Variants in CFAP299 observed in about 807,000 individuals in gnomAD.
CFAP299 encodes cilia- and flagella-associated protein 299.
Under a neutral mutation model 27.0 loss-of-function variants are expected in CFAP299, and 21 were observed. That is an observed-to-expected ratio of 0.78 (90% CI 0.55 to 1.12). The LOEUF is 1.12. CFAP299 is among the 50% of genes most tolerant of loss of function. The pLI is 0.00. For missense variants in CFAP299, 310 were observed against 276.6 expected (o/e 1.12, Z -0.86); for synonymous variants, 104 against 98.1 (o/e 1.06, Z -0.36).
intron 1 of CFAP299, among the ~76,000 whole-genome samples, chr4:80,350,986 A>G (rs1722988056): frequency 6.6e-6 from 1 of 152,222 alleles, no homozygotes; most frequent in Non-Finnish European, 1.5e-5. Flanking sequence ...TGCAAGCCAT[A>G]GAAAAATGAA....
chr4:80,658,798 A>G (rs370123670), intron 3 of CFAP299, among the ~76,000 whole-genome samples: 1 of 152,164 alleles, frequency 6.6e-6, no homozygotes, highest in African/African-American at 2.4e-5. Flanking sequence ...ATAATTAGTG[A>G]CAAGTGTGTT....
At chr4:80,734,654 A>G (rs1723751397) in intron 3 of CFAP299, among the ~76,000 whole-genome samples, 1 of 152,136 alleles carries the variant, frequency 6.6e-6, no homozygotes, top group African/African-American at 2.4e-5. Flanking sequence ...ATGACAATAC[A>G]TAGGGGTCAG....
At chr4:80,478,509 A>C (rs964974994) in intron 2 of CFAP299, among the ~76,000 whole-genome samples, 3 of 152,136 alleles carry the variant, frequency 2.0e-5, no homozygotes, top group African/African-American at 7.2e-5. Flanking sequence ...CAATTTCTCA[A>C]ATAAATGATG....
At chr4:80,846,487 GC>G (rs1731190693) in intron 3 of CFAP299, among the ~76,000 whole-genome samples, 1 of 152,094 alleles carries the variant, frequency 6.6e-6, no homozygotes, top group Admixed American at 6.6e-5. Flanking sequence ...TTACTCTGGT[GC>G]CTATACAAGA....
chr4:80,860,569 T>G (rs1443751167), intron 3 of CFAP299, among the ~76,000 whole-genome samples: 1 of 152,168 alleles, frequency 6.6e-6, no homozygotes, highest in East Asian at 1.9e-4. Context: ...ATGATGGTGA[T>G]GTACAGATGG....
At chr4:80,628,686 T>A (rs1335074300) in intron 3 of CFAP299, among the ~76,000 whole-genome samples, 1 of 152,122 alleles carries the variant, frequency 6.6e-6, no homozygotes. Flanking sequence ...TGAACAGACA[T>A]TTCTTAAGGC....
At chr4:80,453,709 C>T (rs976063996) in intron 2 of CFAP299, among the ~76,000 whole-genome samples, 10 of 151,294 alleles carry the variant, frequency 6.6e-5, no homozygotes, top group Non-Finnish European at 7.4e-5. Flanking sequence ...GGCTTCTTGG[C>T]GCGTGCCTGT....
intron 3 of CFAP299, among the ~76,000 whole-genome samples, chr4:80,723,346 ACATACAT>A (rs373487493): frequency 3.9e-5 from 6 of 152,284 alleles, no homozygotes; most frequent in African/African-American, 1.4e-4. Context: ...AACAATACAA[ACATACAT>A]CAATAGGCTA....
intron 2 of CFAP299, among the ~76,000 whole-genome samples, chr4:80,576,197 A>AATAT (rs1553935643): frequency 4.3e-3 from 138 of 32,450 alleles, no homozygotes; most frequent in African/African-American, 7.0e-3. Context: ...TAAAAAAAAA[A>AATAT]ATATATATAT....
At chr4:80,902,483 T>A (rs7440444) in intron 4 of CFAP299, among the ~76,000 whole-genome samples, 35 of 119,820 alleles carry the variant, frequency 2.9e-4, no homozygotes, top group East Asian at 2.4e-3. Context: ...TGTATATATG[T>A]ATATATACAT....
chr4:80,692,075 CT>C (rs1720746813), intron 3 of CFAP299, among the ~76,000 whole-genome samples: 12 of 152,176 alleles, frequency 7.9e-5, no homozygotes, highest in Admixed American at 7.9e-4. Context: ...GCATTCTATG[CT>C]CATAGGTAGG....
intron 2 of CFAP299, among the ~76,000 whole-genome samples, chr4:80,372,685 A>G (rs1724205338): frequency 6.6e-6 from 1 of 152,150 alleles, no homozygotes; most frequent in African/African-American, 2.4e-5. Context: ...AAAGCCAGGT[A>G]CTACTCATTT....
intron 3 of CFAP299, among the ~76,000 whole-genome samples, chr4:80,796,134 G>A (rs1415238988): frequency 6.6e-6 from 1 of 152,158 alleles, no homozygotes; most frequent in Non-Finnish European, 1.5e-5. Flanking sequence ...GGAATGTGTT[G>A]CCTCCAAAAT....
rs116736117 is a variant in CFAP299 at position 80,683,512 on chromosome 4, T to C, written c.333+100329T>C. On this transcript the variant is annotated intron_variant, in intron 3 of 5. Transcript: ENST00000358105. ...GTATACCTGGAAAATATCTATCTTC[T>C]TTCACTAACCTATTATGGATCCATT... Among the ~76,000 whole-genome samples the C allele has an allele frequency of 8.2e-4, 125 of 152,344 alleles. 2 individuals carry two copies. Among genetic ancestry groups the C allele is most frequent in the Middle Eastern group, 3.4e-3 (1 of 294 alleles).
At chr4:80,716,258 T>C (rs1369807861) in intron 3 of CFAP299, among the ~76,000 whole-genome samples, 1 of 151,956 alleles carries the variant, frequency 6.6e-6, no homozygotes, top group Non-Finnish European at 1.5e-5. Flanking sequence ...TCCCATGACC[T>C]CATGAGAGAA....
chr4:80,800,847 C>T (rs988710438), intron 3 of CFAP299, among the ~76,000 whole-genome samples: 3 of 144,718 alleles, frequency 2.1e-5, no homozygotes, highest in Non-Finnish European at 4.5e-5. Flanking sequence ...CACAATAGGC[C>T]ATCTGCAAGC....
intron 2 of CFAP299, among the ~76,000 whole-genome samples, chr4:80,458,269 C>T (rs1208285179): frequency 2.0e-5 from 3 of 152,116 alleles, no homozygotes; most frequent in African/African-American, 7.2e-5. Context: ...TCTTTTTCTT[C>T]CTGAGTTAAA....
At chr4:80,891,282 T>C (rs1435867570) in intron 4 of CFAP299, among the ~76,000 whole-genome samples, 1 of 151,006 alleles carries the variant, frequency 6.6e-6, no homozygotes, top group Non-Finnish European at 1.5e-5. Context: ...TACATATGGC[T>C]AGCCAGTTTT....
chr4:80,945,232 G>T (rs1437322375), intron 5 of CFAP299, among the ~76,000 whole-genome samples: 2 of 152,210 alleles, frequency 1.3e-5, no homozygotes, highest in Non-Finnish European at 2.9e-5. Flanking sequence ...CCACGCATGT[G>T]CTTCCCCCGA....
Sources: gnomAD v4.1 joint callset for allele counts (sites outside exome capture counted in the v4.1 genomes callset) on GRCh38, gnomAD v4.1.1 for gene constraint, MANE v1.5 for transcripts, NCBI Gene and HGNC (gene_info 2026-07-23, HGNC 2026-07-21) for gene names.